The following ZNF44 variants were observed in gnomAD, a reference collection of about 807,000 sequenced individuals.
ZNF44 encodes gonadotropin inducible transcription repressor-2.
In ZNF44, 9 loss-of-function variants were observed where a neutral mutation model predicts 11.7. The observed-to-expected ratio is 0.77, with a 90% CI of 0.46 to 1.35. The LOEUF (loss-of-function observed/expected upper bound fraction) is 1.35, where lower values mean the gene tolerates loss of function less well. Among genes scored for constraint, ZNF44 ranks in the 40% most tolerant of loss-of-function variants. The pLI is 0.00. For synonymous variants in ZNF44, 224 were observed against 242.7 expected, an observed-to-expected ratio of 0.92 and a Z score of 0.72; for missense variants, 696 against 743.1, an observed-to-expected ratio of 0.94 and a Z score of 0.74.
chr19:12,283,623 C>A (rs1042528556), intron 1 of ZNF44, among the ~76,000 whole-genome samples: 1 of 152,142 alleles, frequency 6.6e-6, no homozygotes, highest in African/African-American at 2.4e-5. Flanking sequence ...GCCACCACGC[C>A]CAGCCAGAAA....
downstream of ZNF44, among the ~76,000 whole-genome samples, chr19:12,243,047 G>C (rs527873641): frequency 3.9e-5 from 6 of 152,234 alleles, no homozygotes; most frequent in South Asian, 8.3e-4. Context: ...AGAACACACA[G>C]AACTGCAAGG....
intron 1 of ZNF44, among the ~76,000 whole-genome samples, chr19:12,278,180 G>A (rs893409055): frequency 8.5e-5 from 13 of 152,238 alleles, no homozygotes; most frequent in African/African-American, 1.7e-4. Context: ...TGCTTAAGGC[G>A]TTCCTGAACC....
At chr19:12,245,984 G>C (rs1916758946), downstream of ZNF44, among the ~76,000 whole-genome samples, 1 of 152,170 alleles carries the variant, frequency 6.6e-6, no homozygotes, top group South Asian at 2.1e-4. Context: ...GAGTTCCACA[G>C]ATGTCTCCAC....
Position 12,260,443 on chromosome 19 carries a change from G to A in ZNF44, c.1913-10075C>T, listed in dbSNP as rs1235842357. 4.2e-6 allele frequency: 6 copies of A among 1,421,660 alleles called. No individual in the cohort carries two copies. The African/African-American group carries it at 5.7e-5, about 13-fold the overall frequency. The allele number at this position is 1,421,660 out of a possible 1,614,324, so 88.1% of individuals were successfully genotyped here. A position where few individuals can be genotyped will look rare whatever the true frequency, so the allele number is the denominator to read the frequency against. On this transcript the variant is annotated intron_variant and NMD_transcript_variant, in intron 5 of 7. Transcript: ENST00000393337. The stretch of plus-strand genomic sequence containing the variant: ...AAGAACAAGTACCGCCCCGACCTGC[G>A]CATGGCAGCCATCCGCAGGGTCAGC...
chr19:12,248,491 T>C (rs546678282), exon 8 of ZNF44: 1 of 1,290,924 alleles, frequency 7.7e-7, no homozygotes, highest in African/African-American at 1.5e-5. Flanking sequence ...AGTTTGTGTC[T>C]GGTGTAAGAT....
intron 5 of ZNF44, among the ~76,000 whole-genome samples, chr19:12,265,061 A>T (rs1917672571): frequency 6.6e-6 from 1 of 152,084 alleles, no homozygotes; most frequent in African/African-American, 2.4e-5. Flanking sequence ...AAGCCCTGGA[A>T]TTCCTCTTGA....
At chr19:12,290,530 T>A (rs1466015537) in intron 1 of ZNF44, among the ~76,000 whole-genome samples, 1 of 149,666 alleles carries the variant, frequency 6.7e-6, no homozygotes, top group Admixed American at 6.7e-5. Flanking sequence ...TGAAACCCCA[T>A]CGCTACTAAA....
chr19:12,230,937 T>C (rs2145674444), intron 2 of ZNF44, among the ~76,000 whole-genome samples: 1 of 151,972 alleles, frequency 6.6e-6, no homozygotes, highest in South Asian at 2.1e-4. Context: ...TGGATTATCT[T>C]GGGGCTAGCA....
Position 12,260,014 on chromosome 19 carries a change from T to C in ZNF44, c.1913-9646A>G, listed in dbSNP as rs531072718. On this transcript the variant is annotated intron_variant and NMD_transcript_variant, in intron 5 of 7. Transcript: ENST00000393337. ...ATAATGACCAACCTCTGACAGTGTATACAGTCCCCCCTCCACTCCCACTCT... is the reference window on the plus strand; with the variant it reads ...ATAATGACCAACCTCTGACAGTGTACACAGTCCCCCCTCCACTCCCACTCT... The C allele has an allele frequency of 1.3e-3, 553 of 440,852 alleles. 2 individuals are homozygous for C. Among genetic ancestry groups the C allele is most frequent in the Non-Finnish European group, 2.2e-3 (493 of 224,528 alleles). 27.3% of individuals were successfully genotyped at this position (440,852 alleles called of 1,614,324 possible). A position where few individuals can be genotyped will look rare whatever the true frequency, so the allele number is the denominator to read the frequency against.
intron 3 of ZNF44, among the ~76,000 whole-genome samples, chr19:12,228,019 A>G (rs1409510279): frequency 1.3e-5 from 2 of 152,182 alleles, no homozygotes; most frequent in Non-Finnish European, 2.9e-5. Flanking sequence ...AAAGCAGGTT[A>G]GTGCTTAAGA....
downstream of ZNF44, among the ~76,000 whole-genome samples, chr19:12,270,386 T>G (rs1966911235): frequency 6.6e-6 from 1 of 151,976 alleles, no homozygotes; most frequent in Non-Finnish European, 1.5e-5. Context: ...CTAACACTGT[T>G]ATCGCTGCCA....
chr19:12,240,515 C>G (rs897845811), upstream of ZNF44, among the ~76,000 whole-genome samples: 1 of 145,690 alleles, frequency 6.9e-6, no homozygotes, highest in Non-Finnish European at 1.5e-5. Flanking sequence ...AATACCAAAA[C>G]AATCTTGAAA....
intron 5 of ZNF44, chr19:12,250,681 A>C (rs1407118650): frequency 9.4e-6 from 4 of 423,990 alleles, no homozygotes; most frequent in Admixed American, 2.8e-5. Flanking sequence ...TTGTGAGAAA[A>C]ACTCATCTTC....
chr19:12,225,368 G>GCTAT (rs1915871287), downstream of ZNF44: 1 of 152,212 alleles, frequency 6.6e-6, no homozygotes. Context: ...GATGACCCAT[G>GCTAT]CTATCTATGA....
At chr19:12,276,279 A>G in intron 1 of ZNF44, 197 bp from the exon 2 acceptor site, 1 of 754,994 alleles carries the variant, frequency 1.3e-6, no homozygotes, top group South Asian at 1.4e-5. Context: ...TTGCTAAAAT[A>G]ACAGTTGAGT....
At chr19:12,283,572 G>A (rs1014514250) in intron 1 of ZNF44, among the ~76,000 whole-genome samples, 9 of 152,004 alleles carry the variant, frequency 5.9e-5, no homozygotes, top group Non-Finnish European at 1.0e-4. Flanking sequence ...CTCATGATCC[G>A]CCCTCCTCGG....
intron 1 of ZNF44, chr19:12,291,111 C>A: frequency 2.9e-6 from 1 of 350,204 alleles, no homozygotes; most frequent in Admixed American, 4.2e-5. Flanking sequence ...GTTACTACTT[C>A]CATAATAATG....
At chr19:12,292,003 AAAAAG>A (rs1180266255) in intron 1 of ZNF44, among the ~76,000 whole-genome samples, 7 of 151,620 alleles carry the variant, frequency 4.6e-5, no homozygotes, top group Admixed American at 2.6e-4. Flanking sequence ...GAAAAAAAAA[AAAAAG>A]AAAAGAAAAG....
chr19:12,245,729 T>C (rs1916751453), downstream of ZNF44, among the ~76,000 whole-genome samples: 1 of 152,232 alleles, frequency 6.6e-6, no homozygotes, highest in Admixed American at 6.5e-5. Flanking sequence ...ACAGTTTTAA[T>C]TAGTTGCCTG....
Sources: allele counts gnomAD v4.1 joint callset (sites outside exome capture counted in the v4.1 genomes callset), GRCh38; gene constraint gnomAD v4.1.1; transcripts MANE v1.5; gene names NCBI Gene and HGNC (gene_info 2026-07-23, HGNC 2026-07-21).